Variants in CYP4B1 observed in about 807,000 individuals in gnomAD.
CYP4B1 encodes the protein cytochrome P450 4B1.
In CYP4B1, 45 loss-of-function variants were observed where a neutral mutation model predicts 54.0. The observed-to-expected ratio is 0.83, with a 90% confidence interval of 0.66 to 1.07. The LOEUF is 1.07. Ranked by LOEUF, CYP4B1 falls within the 50% of genes least tolerant of loss-of-function variation. The pLI is 0.00. For missense variants in CYP4B1, 656 were observed against 655.4 expected (o/e 1.00, Z -0.01); for synonymous variants, 248 against 247.5 (o/e 1.00, Z -0.02).
intron 4 of CYP4B1, 117 bp downstream of exon 4, chr1:46,812,740 C>A: frequency 8.2e-7 from 1 of 1,215,086 alleles, no homozygotes. Context: ...ATAGCTGAGC[C>A]CCAAGGCCTG....
At chr1:46,801,577 G>A (rs1229213603) in intron 1 of CYP4B1, among the ~76,000 whole-genome samples, 1 of 152,116 alleles carries the variant, frequency 6.6e-6, no homozygotes, top group Non-Finnish European at 1.5e-5. Flanking sequence ...GTGACTACTT[G>A]TGGGAGCTAC....
chr1:46,810,627 G>A (rs552816595), intron 1 of CYP4B1, among the ~76,000 whole-genome samples, 181 bp from the exon 2 acceptor site: 1 of 152,316 alleles, frequency 6.6e-6, no homozygotes, highest in East Asian at 1.9e-4. Context: ...AATTAGAGCA[G>A]TGGTTGTGGG....
chr1:46,813,812 T>C (rs1679211940), intron 5 of CYP4B1, 97 bp from the exon 6 acceptor site: 1 of 1,492,598 alleles, frequency 6.7e-7, no homozygotes. Flanking sequence ...AAGAGCAGGA[T>C]GCTCTGTGGT....
At chr1:46,800,185 C>CTT (rs1678563537) in intron 1 of CYP4B1, among the ~76,000 whole-genome samples, 1 of 38,758 alleles carries the variant, frequency 2.6e-5, no homozygotes, top group African/African-American at 6.7e-5. Context: ...CTTTCTTTCT[C>CTT]TTTCTTTCTT....
chr1:46,818,252 G>A (rs774412624), intron 11 of CYP4B1, 39 bp downstream of exon 11: 32 of 1,569,332 alleles, frequency 2.0e-5, no homozygotes, highest in Non-Finnish European at 2.6e-5. Flanking sequence ...TCAGGACTGG[G>A]GAGGAGAGGG....
chr1:46,813,532 C>T lies in CYP4B1; in HGVS notation c.546C>T (p.Cys182=), dbSNP rs147120348. The change falls in exon 5 of 12, where the codon TGC becomes TGT. Residue 182 remains cysteine (C), a synonymous_variant. Transcript: ENST00000371923. ...AREGKSFDIF[C]DVGHMALNTL... The stretch of plus-strand genomic sequence containing the variant: ...AGGGTAAGTCCTTTGACATCTTCTG[C>T]GATGTGGGTCACATGGCGCTGAACA... The T allele has an allele frequency of 7.4e-4, 1,187 of 1,614,184 alleles. 12 individuals carry two copies. Among genetic ancestry groups the T allele is most frequent in the South Asian group, 6.8e-3 (616 of 91,080 alleles).
At chr1:46,799,795 C>T (rs1678538500) in intron 1 of CYP4B1, among the ~76,000 whole-genome samples, 1 of 152,214 alleles carries the variant, frequency 6.6e-6, no homozygotes, top group South Asian at 2.1e-4. Context: ...ATGGGTGGCT[C>T]AGGAGCCGTG....
intron 1 of CYP4B1, among the ~76,000 whole-genome samples, chr1:46,801,356 G>T (rs1242736165): frequency 6.6e-6 from 1 of 152,154 alleles, no homozygotes; most frequent in Non-Finnish European, 1.5e-5. Context: ...AGTTGTGTTT[G>T]CCCTCAGCCA....
rs763144407 is a variant in CYP4B1, at chr1:46,810,722, C to G, written c.181-86C>G. On this transcript the variant is annotated intron_variant, in intron 1 of 11. Coordinates refer to ENST00000371923, the MANE Select transcript of CYP4B1 (RefSeq NM_001099772.2). ...AAGCAACCAGGGCCTGCCTGGGCAG[C>G]CTTCTCCCCTGCCCTCCCAGGGACT... is the stretch of plus-strand genomic sequence containing the variant. 4.8e-4 allele frequency: 706 copies of G among 1,470,770 alleles called. 3 individuals are homozygous for G. Among genetic ancestry groups the G allele is most frequent in the Non-Finnish European group, 6.1e-4 (650 of 1,060,608 alleles). 91.1% of individuals were successfully genotyped at this position (1,470,770 alleles called of 1,614,324 possible).
At chr1:46,809,569 G>A (rs2065996) in intron 1 of CYP4B1, among the ~76,000 whole-genome samples, 26,858 of 152,120 alleles carry the variant, frequency 0.18, 2,392 homozygotes, top group South Asian at 0.19. Context: ...ACCACTTAGA[G>A]TTGTTGTGAG....
In CYP4B1 at chr1:46,817,642, T is replaced by C. The variant is rs553964856; in HGVS notation, c.1208-323T>C. On this transcript the variant is annotated intron_variant, in intron 9 of 11. Transcript: ENST00000371923. ...GTTGGCAGTATAATATTATGAATAA[T>C]AACTTCCCAAGAGTCAGTTAGCTGA... Among the ~76,000 whole-genome samples, 5 of 152,336 alleles carry C rather than the reference T, an allele frequency of 3.3e-5. No individual in the cohort carries two copies. The East Asian group carries it at 9.6e-4, about 29-fold the overall frequency.
At chr1:46,812,045 G>A (rs1011148414) in intron 3 of CYP4B1, 3 of 406,678 alleles carry the variant, frequency 7.4e-6, no homozygotes, top group African/African-American at 6.1e-5. Context: ...TTGGAGTGGG[G>A]TAGGAAGGGT....
At chr1:46,806,542 C>T (rs944598573) in intron 1 of CYP4B1, among the ~76,000 whole-genome samples, 8 of 152,294 alleles carry the variant, frequency 5.3e-5, no homozygotes, top group East Asian at 1.9e-4. Context: ...GTCTTTGTAC[C>T]GCACGTTTCC....
chr1:46,800,223 C>CTT (rs1557484516), intron 1 of CYP4B1, among the ~76,000 whole-genome samples: 1 of 52,870 alleles, frequency 1.9e-5, no homozygotes, highest in African/African-American at 6.2e-5. Context: ...TTCTCTTTCT[C>CTT]TCTTTCTTTC....
rs765791466 is a variant in CYP4B1 at position 46,818,763 on chromosome 1, G to T, written c.1488G>T (p.Lys496Asn). ...TGCCCCAGCTTGTCCTGCGCTCCAAGAATGGCTTTCACCTCCACCTGAAGC... is the reference window on the plus strand; with the variant it reads ...TGCCCCAGCTTGTCCTGCGCTCCAATAATGGCTTTCACCTCCACCTGAAGC... ...IKMPQLVLRS[K>N]NGFHLHLKPL... Residue 496 changes from lysine to asparagine, a missense_variant, in exon 12 of 12, where the codon AAG (lysine) becomes AAT (asparagine). By Grantham distance (94) the Lys-to-Asn change is moderately conservative (BLOSUM62 0). Transcript: ENST00000371923. The T allele has an allele frequency of 1.2e-6, 2 of 1,614,112 alleles. No individual in the cohort carries two copies. The highest frequency in any genetic ancestry group is 2.2e-5 in the South Asian group (2 of 91,070).
chr1:46,809,050 C>A (rs2148402161), intron 1 of CYP4B1, among the ~76,000 whole-genome samples: 2 of 150,932 alleles, frequency 1.3e-5, no homozygotes, highest in African/African-American at 2.4e-5. Context: ...AGCGCACCAG[C>A]ATGGCACATG....
At chr1:46,811,675 T>G (rs1438552695) in intron 3 of CYP4B1, among the ~76,000 whole-genome samples, 1 of 152,034 alleles carries the variant, frequency 6.6e-6, no homozygotes, top group Non-Finnish European at 1.5e-5. Flanking sequence ...ATGTTGAGAG[T>G]AGGTGGGAGT....
At chr1:46,804,611 C>T (rs933297153) in intron 1 of CYP4B1, among the ~76,000 whole-genome samples, 25 of 151,902 alleles carry the variant, frequency 1.6e-4, no homozygotes, top group Admixed American at 6.6e-5. Context: ...GCATGCTTCT[C>T]TCCTGAAACA....
At chr1:46,813,774 A>G in intron 5 of CYP4B1, 135 bp from the exon 6 acceptor site, 2 of 1,431,340 alleles carry the variant, frequency 1.4e-6, no homozygotes, top group South Asian at 2.6e-5. Context: ...ACCTGGCTTT[A>G]GCAAGGAGGC....
Sources: gnomAD v4.1 joint callset for allele counts (sites outside exome capture counted in the v4.1 genomes callset) on GRCh38, gnomAD v4.1.1 for gene constraint, MANE v1.5 for transcripts, NCBI Gene and HGNC (gene_info 2026-07-23, HGNC 2026-07-21) for gene names.